FBXL20: variants seen among roughly 807,000 people sequenced by gnomAD.
FBXL20 encodes the protein F-box and leucine rich repeat protein 20, also known as F-box/LRR-repeat protein 20.
FBXL20 carries 11 observed loss-of-function variants against 64.0 expected under a neutral mutation model. The ratio of observed to expected loss-of-function variants is 0.17; its 90% CI spans 0.11 to 0.28. The LOEUF (loss-of-function observed/expected upper bound fraction) is 0.28. Ranked by LOEUF, FBXL20 falls within the 10% of genes least tolerant of loss-of-function variation. The pLI is 1.00. For synonymous variants in FBXL20, 184 were observed against 189.0 expected, an observed-to-expected ratio of 0.97 and a Z score of 0.22; for missense variants, 303 against 526.2, an observed-to-expected ratio of 0.58 and a Z score of 4.15.
At chr17:39,288,586 G>A (rs2047009291) in intron 6 of FBXL20, among the ~76,000 whole-genome samples, 1 of 152,124 alleles carries the variant, frequency 6.6e-6, no homozygotes, top group South Asian at 2.1e-4. Flanking sequence ...AAGTAGTTGA[G>A]ACTACAGGTA....
chr17:39,329,354 G>A (rs1330007778), intron 2 of FBXL20, among the ~76,000 whole-genome samples: 2 of 152,116 alleles, frequency 1.3e-5, no homozygotes, highest in Non-Finnish European at 2.9e-5. Context: ...GAAAGACAAA[G>A]ACTGAAAAAT....
chr17:39,300,405 C>G (rs1393160666), intron 4 of FBXL20, among the ~76,000 whole-genome samples: 1 of 152,110 alleles, frequency 6.6e-6, no homozygotes, highest in Non-Finnish European at 1.5e-5. Context: ...ATAAGAAAAA[C>G]AGGAGTTCAA....
chr17:39,282,998 AT>A, intron 7 of FBXL20, 143 bp from the exon 8 acceptor site: 1 of 890,142 alleles, frequency 1.1e-6, no homozygotes. Flanking sequence ...CCTAATGTAT[AT>A]TTAGATTTAT....
intron 1 of FBXL20, among the ~76,000 whole-genome samples, chr17:39,370,247 T>C (rs1334213417): frequency 6.6e-6 from 1 of 150,842 alleles, no homozygotes; most frequent in Admixed American, 6.6e-5. Context: ...TCCTAGCACT[T>C]TGGGAGGCCG....
At chr17:39,387,277 C>CTTT (rs34511500) in intron 1 of FBXL20, among the ~76,000 whole-genome samples, 7 of 126,004 alleles carry the variant, frequency 5.6e-5, no homozygotes, top group Non-Finnish European at 8.4e-5. Context: ...ATTAACTGCA[C>CTTT]TTTTTTTTTT....
chr17:39,313,364 G>C (rs1279570604), intron 2 of FBXL20, among the ~76,000 whole-genome samples: 4 of 151,928 alleles, frequency 2.6e-5, no homozygotes, highest in Non-Finnish European at 4.4e-5. Flanking sequence ...CTCCCAAGTA[G>C]CTGGAATTAC....
chr17:39,353,885 A>G (rs746740216), intron 1 of FBXL20, among the ~76,000 whole-genome samples: 13 of 152,056 alleles, frequency 8.5e-5, no homozygotes, highest in Non-Finnish European at 1.6e-4. Context: ...TGGCCTCCCA[A>G]AGTGCTGGGG....
intron 1 of FBXL20, among the ~76,000 whole-genome samples, chr17:39,395,844 T>A (rs2048177683): frequency 6.6e-6 from 1 of 152,164 alleles, no homozygotes; most frequent in East Asian, 1.9e-4. Context: ...AGAGAAGCTC[T>A]GGCATTAGAA....
At chr17:39,344,892 GC>G (rs2047618090) in intron 1 of FBXL20, among the ~76,000 whole-genome samples, 1 of 152,156 alleles carries the variant, frequency 6.6e-6, no homozygotes, top group African/African-American at 2.4e-5. Flanking sequence ...GGCATCAAGT[GC>G]ATCACTTGAT....
chr17:39,324,259 A>G (rs867847486), intron 2 of FBXL20, among the ~76,000 whole-genome samples: 1 of 149,458 alleles, frequency 6.7e-6, no homozygotes. Flanking sequence ...AGACCCAGGA[A>G]TCTATCTTTT....
chr17:39,307,031 AG>A (rs1351721637), intron 2 of FBXL20, among the ~76,000 whole-genome samples: 1 of 152,240 alleles, frequency 6.6e-6, no homozygotes, highest in African/African-American at 2.4e-5. Flanking sequence ...AGAACCGGAT[AG>A]GTGGATACAA....
chr17:39,351,423 T>C (rs2047686235), intron 1 of FBXL20, among the ~76,000 whole-genome samples: 1 of 152,074 alleles, frequency 6.6e-6, no homozygotes. Context: ...CCTGCTCCTG[T>C]TCATGCTATT....
chr17:39,381,405 A>C (rs1323927156), intron 1 of FBXL20, among the ~76,000 whole-genome samples: 1 of 150,292 alleles, frequency 6.7e-6, no homozygotes, highest in East Asian at 2.0e-4. Context: ...ACTTGAGCCC[A>C]AGAGGCAGAG....
At chr17:39,320,592 A>AT (rs916741667) in intron 2 of FBXL20, among the ~76,000 whole-genome samples, 35,502 of 137,688 alleles carry the variant, frequency 0.26, 5,506 homozygotes, top group African/African-American at 0.43. Flanking sequence ...TCTAGTATGA[A>AT]TTTTTTTTTT....
chr17:39,353,426 T>G (rs993027253), intron 1 of FBXL20, among the ~76,000 whole-genome samples: 3 of 152,104 alleles, frequency 2.0e-5, no homozygotes, highest in African/African-American at 7.2e-5. Context: ...TTCTATTTTA[T>G]TAGTTATTTT....
chr17:39,325,411 C>A (rs2047400198), intron 2 of FBXL20, among the ~76,000 whole-genome samples: 1 of 152,068 alleles, frequency 6.6e-6, no homozygotes, highest in Admixed American at 6.6e-5. Context: ...GCTGAGTAAG[C>A]TTCCACTGAA....
chr17:39,373,259 T>A (rs959710351), intron 1 of FBXL20, among the ~76,000 whole-genome samples: 2 of 152,188 alleles, frequency 1.3e-5, no homozygotes, highest in African/African-American at 4.8e-5. Flanking sequence ...TAAGTATAAC[T>A]TATCTTTTAA....
intron 2 of FBXL20, among the ~76,000 whole-genome samples, chr17:39,326,620 T>A (rs1476244521): frequency 6.6e-6 from 1 of 151,040 alleles, no homozygotes; most frequent in African/African-American, 2.4e-5. Context: ...AGACCCTATT[T>A]AAAAAAAATT....
intron 2 of FBXL20, among the ~76,000 whole-genome samples, 176 bp downstream of exon 2, chr17:39,343,003 GA>G (rs1211927515): frequency 6.6e-6 from 1 of 152,138 alleles, no homozygotes; most frequent in Non-Finnish European, 1.5e-5. Flanking sequence ...ACTAAATTTT[GA>G]AATATCTTGA....
Sources: gnomAD v4.1 joint callset for allele counts (sites outside exome capture counted in the v4.1 genomes callset) on GRCh38, gnomAD v4.1.1 for gene constraint, MANE v1.5 for transcripts, NCBI Gene and HGNC (gene_info 2026-07-23, HGNC 2026-07-21) for gene names.